Variants in MAGI2 observed in about 807,000 individuals in gnomAD.
The protein encoded by MAGI2 is membrane associated guanylate kinase, WW and PDZ domain containing 2, also known as membrane-associated guanylate kinase, WW and PDZ domain-containing protein 2.
Under a neutral mutation model 133.3 loss-of-function variants are expected in MAGI2, and 35 were observed. The ratio of observed to expected loss-of-function variants is 0.26; its 90% CI spans 0.20 to 0.35. The LOEUF (loss-of-function observed/expected upper bound fraction) is 0.35, where lower values mean the gene tolerates loss of function less well. Ranked by LOEUF, MAGI2 falls within the 10% of genes least tolerant of loss-of-function variation. The pLI is 1.00. For missense variants in MAGI2, 1,636 were observed against 1,863.4 expected (o/e 0.88, Z 2.25); for synonymous variants, 729 against 710.6 (o/e 1.03, Z -0.41).
At chr7:78,572,003 A>G (rs2150771126) in intron 3 of MAGI2, among the ~76,000 whole-genome samples, 1 of 152,342 alleles carries the variant, frequency 6.6e-6, no homozygotes, top group African/African-American at 2.4e-5. Context: ...TGTTTTCAAA[A>G]CATTTGGAAG....
chr7:78,124,629 T>TA (rs1472333293), intron 20 of MAGI2, among the ~76,000 whole-genome samples: 1 of 151,992 alleles, frequency 6.6e-6, no homozygotes, highest in Non-Finnish European at 1.5e-5. Context: ...TTTATTAACT[T>TA]AAAGAGGCAG....
chr7:78,680,361 C>T (rs1815513284), intron 2 of MAGI2, among the ~76,000 whole-genome samples: 1 of 152,016 alleles, frequency 6.6e-6, no homozygotes, highest in Admixed American at 6.6e-5. Flanking sequence ...TAATTGAATG[C>T]TAGGGTTCCT....
At chr7:78,545,713 G>A (rs749095181) in intron 3 of MAGI2, among the ~76,000 whole-genome samples, 8 of 151,992 alleles carry the variant, frequency 5.3e-5, no homozygotes, top group Admixed American at 1.3e-4. Context: ...GAAATACTCC[G>A]GCTAATTTTC....
At chr7:79,297,598 CA>C (rs1209251512) in intron 1 of MAGI2, among the ~76,000 whole-genome samples, 3 of 152,090 alleles carry the variant, frequency 2.0e-5, no homozygotes, top group African/African-American at 7.2e-5. Context: ...AATCACGAAT[CA>C]AAAGGTCTAT....
chr7:78,802,737 AAAGTGC>A (rs1435707391), intron 2 of MAGI2, among the ~76,000 whole-genome samples: 3 of 152,170 alleles, frequency 2.0e-5, no homozygotes, highest in Non-Finnish European at 4.4e-5. Context: ...TACAGTATTA[AAAGTGC>A]AATCTCATGT....
At chr7:78,761,098 T>A (rs1824462105) in intron 2 of MAGI2, among the ~76,000 whole-genome samples, 1 of 152,236 alleles carries the variant, frequency 6.6e-6, no homozygotes, top group Non-Finnish European at 1.5e-5. Flanking sequence ...GTCCAACTTT[T>A]ATATGGTTAA....
intron 9 of MAGI2, among the ~76,000 whole-genome samples, chr7:78,284,085 TA>T (rs1202169346): frequency 5.9e-5 from 9 of 151,346 alleles, no homozygotes; most frequent in Non-Finnish European, 1.0e-4. Context: ...AAATTGTGTC[TA>T]AAACAGCACA....
chr7:79,383,735 G>A lies in MAGI2; in HGVS notation c.301+69285C>T, dbSNP rs1463671714. 2.0e-5 allele frequency among the ~76,000 whole-genome samples: 3 copies of A among 151,180 alleles called. No individual in the cohort carries two copies. In the East Asian group the frequency reaches 5.8e-4, roughly 29 times the overall value. ...TAATAGTAAAATTCAACATCAATAA[G>A]CCAAAAGAAAAAATACATCTTTATT... On this transcript the variant is annotated intron_variant, in intron 1 of 21. Transcript: ENST00000354212.
At chr7:78,141,591 T>C (rs577717264) in intron 16 of MAGI2, among the ~76,000 whole-genome samples, 2 of 152,262 alleles carry the variant, frequency 1.3e-5, no homozygotes, top group South Asian at 4.1e-4. Flanking sequence ...CGCTGTGAAA[T>C]TTAGCTTTCC....
intron 3 of MAGI2, among the ~76,000 whole-genome samples, chr7:78,571,825 C>G (rs1429860000): frequency 6.6e-6 from 1 of 152,130 alleles, no homozygotes; most frequent in Non-Finnish European, 1.5e-5. Flanking sequence ...TAGCCTCAAA[C>G]ATCTGGTATC....
intron 2 of MAGI2, among the ~76,000 whole-genome samples, chr7:78,689,689 T>A (rs1403938276): frequency 2.6e-5 from 2 of 77,782 alleles, no homozygotes; most frequent in African/African-American, 9.7e-5. Context: ...TGGCTTTTTT[T>A]TTTTTTTTTT....
At chr7:78,633,750 A>T (rs2150970983) in intron 2 of MAGI2, among the ~76,000 whole-genome samples, 1 of 151,722 alleles carries the variant, frequency 6.6e-6, no homozygotes, top group East Asian at 1.9e-4. Context: ...GTGGTGTGAT[A>T]AAATGGTGCG....
chr7:78,661,177 C>T (rs1208252553), intron 2 of MAGI2, among the ~76,000 whole-genome samples: 1 of 152,162 alleles, frequency 6.6e-6, no homozygotes, highest in Non-Finnish European at 1.5e-5. Flanking sequence ...TAAGAGTAGA[C>T]AATGAGACAC....
intron 2 of MAGI2, among the ~76,000 whole-genome samples, chr7:78,890,066 T>G (rs909247122): frequency 6.6e-6 from 1 of 151,908 alleles, no homozygotes; most frequent in East Asian, 1.9e-4. Context: ...AAAAAGGCAG[T>G]GGTTGCAATC....
At chr7:78,681,780 C>A (rs1815691222) in intron 2 of MAGI2, among the ~76,000 whole-genome samples, 1 of 151,962 alleles carries the variant, frequency 6.6e-6, no homozygotes, top group African/African-American at 2.4e-5. Context: ...CGTCACAACC[C>A]TAGAAAAATA....
chr7:78,209,346 C>A (rs371410419), intron 10 of MAGI2, among the ~76,000 whole-genome samples: 1 of 148,162 alleles, frequency 6.7e-6, no homozygotes, highest in Non-Finnish European at 1.5e-5. Flanking sequence ...ACTGCAAGCT[C>A]CGCCTTACGG....
At chr7:78,627,002 T>G in intron 3 of MAGI2, 118 bp downstream of exon 3, 1 of 967,976 alleles carries the variant, frequency 1.0e-6, no homozygotes, top group Middle Eastern at 2.4e-4. Context: ...TAAACTCATC[T>G]TATTAAAGCT....
At chr7:78,826,508 G>A (rs1204813094) in intron 2 of MAGI2, among the ~76,000 whole-genome samples, 1 of 152,092 alleles carries the variant, frequency 6.6e-6, no homozygotes, top group Non-Finnish European at 1.5e-5. Flanking sequence ...GTGGTAGTGG[G>A]GGCAGTGATG....
intron 1 of MAGI2, among the ~76,000 whole-genome samples, chr7:79,170,142 T>A: frequency 8.9e-6 from 1 of 112,572 alleles, no homozygotes; most frequent in African/African-American, 4.4e-5. Flanking sequence ...TTATACTTTT[T>A]TTTTTTTTTT....
Sources: gnomAD v4.1 joint callset for allele counts (sites outside exome capture counted in the v4.1 genomes callset) on GRCh38, gnomAD v4.1.1 for gene constraint, MANE v1.5 for transcripts, NCBI Gene and HGNC (gene_info 2026-07-23, HGNC 2026-07-21) for gene names.